The following MAPRE1 variants were observed in gnomAD, a reference collection of about 807,000 sequenced individuals.
MAPRE1 encodes the protein microtubule-associated protein RP/EB family member 1.
MAPRE1 carries 5 observed loss-of-function variants against 32.1 expected under a neutral mutation model. That is an observed-to-expected ratio of 0.16 (90% CI 0.08 to 0.33). The LOEUF (loss-of-function observed/expected upper bound fraction) is 0.33, where lower values mean the gene tolerates loss of function less well. Among genes scored for constraint, MAPRE1 ranks in the 10% least tolerant of loss-of-function variants. The pLI is 1.00. For missense variants in MAPRE1, 209 were observed against 327.2 expected, an observed-to-expected ratio of 0.64 and a Z score of 2.79; for synonymous variants, 122 against 118.9, an observed-to-expected ratio of 1.03 and a Z score of -0.17.
intron 2 of MAPRE1, among the ~76,000 whole-genome samples, chr20:32,831,210 G>T (rs969907738): frequency 6.6e-6 from 1 of 151,906 alleles, no homozygotes; most frequent in Non-Finnish European, 1.5e-5. Flanking sequence ...TTGGGAGGCC[G>T]AAGTGAGAGG....
At position 32,826,879 on chromosome 20, in the gene MAPRE1, A is replaced by G. The variant is rs116090868; in HGVS notation, c.121+831A>G. 5.4e-3 allele frequency among the ~76,000 whole-genome samples: 815 copies of G among 151,842 alleles called. 9 individuals carry two copies. Among genetic ancestry groups the G allele is most frequent in the African/African-American group, 0.019 (790 of 41,418 alleles). On this transcript the variant is annotated intron_variant, in intron 2 of 6. Transcript: ENST00000375571. ...AGGTCCACCATCTTCTGCTCTAGAG[A>G]CTGCATTCTGAGGCCTGAAGCTCAG...
At chr20:32,841,233 C>T (rs112499028) in intron 5 of MAPRE1, among the ~76,000 whole-genome samples, 1,552 of 152,342 alleles carry the variant, frequency 0.01, 25 homozygotes, top group African/African-American at 0.036. Context: ...GACTTGAGCA[C>T]CCGCTGGGGC....
chr20:32,829,095 C>T (rs565453163), intron 2 of MAPRE1, among the ~76,000 whole-genome samples: 57 of 151,914 alleles, frequency 3.8e-4, no homozygotes, highest in Non-Finnish European at 6.3e-4. Context: ...TGTATTTTTA[C>T]TAGAGACGGG....
intron 3 of MAPRE1, among the ~76,000 whole-genome samples, chr20:32,835,415 T>G (rs1476186518): frequency 7.1e-6 from 1 of 140,870 alleles, no homozygotes; most frequent in Non-Finnish European, 1.5e-5. Flanking sequence ...AGTGCTGGTC[T>G]AAATTCCTGG....
chr20:32,835,348 G>A (rs1053614724), intron 3 of MAPRE1, among the ~76,000 whole-genome samples: 10 of 121,914 alleles, frequency 8.2e-5, no homozygotes, highest in Middle Eastern at 4.6e-3. Flanking sequence ...TTTTTTGTGT[G>A]TGTGTTTTTA....
chr20:32,837,809 G>A (rs1257432452), intron 4 of MAPRE1, among the ~76,000 whole-genome samples: 3 of 152,206 alleles, frequency 2.0e-5, no homozygotes, highest in Non-Finnish European at 2.9e-5. Context: ...TGTGCTGGGC[G>A]CAGTGGCTCA....
chr20:32,834,532 T>C (rs1023504743), intron 3 of MAPRE1, among the ~76,000 whole-genome samples: 5 of 152,170 alleles, frequency 3.3e-5, no homozygotes, highest in South Asian at 4.1e-4. Flanking sequence ...TTTTAAGCCA[T>C]TTTTGGGGGG....
chr20:32,843,035 A>G (rs979597033), intron 5 of MAPRE1: 4 of 152,242 alleles, frequency 2.6e-5, no homozygotes, highest in Non-Finnish European at 5.9e-5. Flanking sequence ...GAAGGTCACT[A>G]ACCAGGTGCT....
chr20:32,841,106 G>A (rs181173866), intron 5 of MAPRE1, among the ~76,000 whole-genome samples: 125 of 152,320 alleles, frequency 8.2e-4, no homozygotes, highest in Admixed American at 2.9e-3. Context: ...GAACCACTGC[G>A]CCTGGCCCAC....
intron 5 of MAPRE1, among the ~76,000 whole-genome samples, chr20:32,845,869 C>G (rs890280316): frequency 7.9e-5 from 12 of 152,150 alleles, no homozygotes; most frequent in Non-Finnish European, 1.6e-4. Context: ...CTGCCGAGGT[C>G]GTTCTCAGTG....
intron 4 of MAPRE1, among the ~76,000 whole-genome samples, 164 bp downstream of exon 4, chr20:32,837,005 T>A (rs1983221604): frequency 6.6e-6 from 1 of 152,206 alleles, no homozygotes; most frequent in Non-Finnish European, 1.5e-5. Context: ...GATAACGGTG[T>A]GTGTCCTTAG....
At chr20:32,821,409 G>C (rs981016883) in intron 1 of MAPRE1, among the ~76,000 whole-genome samples, 1 of 152,134 alleles carries the variant, frequency 6.6e-6, no homozygotes, top group African/African-American at 2.4e-5. Context: ...CCCCCACCTG[G>C]GACTTCAGTG....
intron 1 of MAPRE1, among the ~76,000 whole-genome samples, chr20:32,821,269 G>A (rs1199410370): frequency 6.6e-6 from 1 of 152,130 alleles, no homozygotes; most frequent in Admixed American, 6.6e-5. Flanking sequence ...TGTCCGCCTC[G>A]GCCTCCAAAG....
intron 5 of MAPRE1, among the ~76,000 whole-genome samples, chr20:32,844,439 CTTTTTTTTTTT>C (rs71190880): frequency 1.1e-3 from 58 of 52,052 alleles, no homozygotes; most frequent in South Asian, 5.9e-3. Context: ...GCTAGCATTC[CTTTTTTTTTTT>C]TTTTTTTTTT....
intron 1 of MAPRE1, among the ~76,000 whole-genome samples, chr20:32,822,022 G>T (rs574192377): frequency 6.6e-6 from 1 of 151,688 alleles, no homozygotes; most frequent in South Asian, 2.1e-4. Flanking sequence ...TGAGTCGGTG[G>T]ATGTTCATTG....
intron 4 of MAPRE1, among the ~76,000 whole-genome samples, chr20:32,838,050 T>G (rs1355397564): frequency 6.6e-6 from 1 of 152,168 alleles, no homozygotes; most frequent in African/African-American, 2.4e-5. Context: ...ACCACTACAC[T>G]GCAGCCTGGG....
In MAPRE1 at chr20:32,839,776, C is replaced by G; in HGVS notation, c.517C>G (p.Pro173Ala). 6.2e-7 allele frequency: 1 copy of G among 1,614,202 alleles called. No homozygotes were observed. The highest frequency in any genetic ancestry group is 1.1e-5 in the South Asian group (1 of 91,082). The change falls in exon 5 of 7, where the codon CCT (proline) becomes GCT (alanine). Residue 173 changes from proline (P) to alanine (A), a missense_variant. Pro to Ala is a conservative substitution (Grantham distance 27). This residue lies in a region of MAPRE1 where 106 missense variants were observed against 115.3 expected (regional missense o/e 0.92). Transcript: ENST00000375571. ...PISTQRTAAA[P>A]KAGPGVVRKN... ...CTCAACACAGAGAACCGCTGCGGCT[C>G]CTAAGGCTGGCCCTGGTGTGGTGCG...
intron 2 of MAPRE1, among the ~76,000 whole-genome samples, chr20:32,827,829 A>G (rs1982906066): frequency 6.7e-6 from 1 of 150,100 alleles, no homozygotes; most frequent in South Asian, 2.1e-4. Context: ...TGGGAGGTGG[A>G]GGTTGCAGTG....
chr20:32,832,393 GA>G (rs11479132), intron 2 of MAPRE1, among the ~76,000 whole-genome samples: 102,748 of 148,966 alleles, frequency 0.69, 37,320 homozygotes, highest in East Asian at 1. Flanking sequence ...ACACTTTTTG[GA>G]AAAAAAAAAT....
Sources: gnomAD v4.1 joint callset for allele counts (sites outside exome capture counted in the v4.1 genomes callset) on GRCh38, gnomAD v4.1.1 for gene constraint, gnomAD v4.1.1 regional missense constraint, MANE v1.5 for transcripts, NCBI Gene and HGNC (gene_info 2026-07-23, HGNC 2026-07-21) for gene names.